Variants in KAZN observed in about 807,000 individuals in gnomAD.
KAZN encodes kazrin.
A neutral mutation model predicts 87.4 loss-of-function variants in KAZN; 40 were observed. That is an observed-to-expected ratio of 0.46 (90% CI 0.36 to 0.60). The LOEUF (loss-of-function observed/expected upper bound fraction) is 0.60, where lower values mean the gene tolerates loss of function less well. KAZN is among the 20% of genes least tolerant of loss of function. KAZN has a pLI of 0.00. For missense variants in KAZN, 898 were observed against 1,073.9 expected, an observed-to-expected ratio of 0.84 and a Z score of 2.29; for synonymous variants, 466 against 458.3, an observed-to-expected ratio of 1.02 and a Z score of -0.22.
At chr1:14,547,397 T>C (rs1673223251) in intron 2 of KAZN, among the ~76,000 whole-genome samples, 4 of 152,236 alleles carry the variant, frequency 2.6e-5, no homozygotes, top group Non-Finnish European at 5.9e-5. Flanking sequence ...TAACTGACTA[T>C]GTGTTCATAA....
At chr1:14,510,023 T>C (rs1169241086) in intron 2 of KAZN, among the ~76,000 whole-genome samples, 1 of 152,108 alleles carries the variant, frequency 6.6e-6, no homozygotes, top group East Asian at 1.9e-4. Context: ...GGGACACAAG[T>C]GTGAGATGGA....
chr1:14,972,243 C>A (rs899039642), intron 2 of KAZN, among the ~76,000 whole-genome samples: 1 of 152,210 alleles, frequency 6.6e-6, no homozygotes, highest in Non-Finnish European at 1.5e-5. Context: ...AGGGTCAGGA[C>A]ATGACCTTGA....
chr1:14,751,017 C>T lies in KAZN; in HGVS notation c.226+151794C>T, dbSNP rs556044329. On this transcript the variant is annotated intron_variant, in intron 1 of 14. Transcript: ENST00000376030. ...GAATGGTTCCCTTGTTACGTGGCGA[C>T]GTCATTTATAACATGACCTAGACTC... Among the ~76,000 whole-genome samples the T allele has an allele frequency of 1.0e-3, 153 of 152,262 alleles. 4 individuals carry two copies. In the South Asian group the frequency reaches 0.03, roughly 29 times the overall value.
intron 2 of KAZN, among the ~76,000 whole-genome samples, chr1:14,508,785 C>T (rs1670750071): frequency 1.3e-5 from 2 of 152,168 alleles, no homozygotes; most frequent in Admixed American, 6.5e-5. Context: ...AGAAAAATCT[C>T]GGCCATAATA....
chr1:14,252,018 G>A (rs1219984260), intron 2 of KAZN, among the ~76,000 whole-genome samples: 3 of 152,080 alleles, frequency 2.0e-5, no homozygotes, highest in Admixed American at 2.0e-4. Context: ...AAGAGGCCAG[G>A]AAAGGGGGAC....
chr1:14,823,161 G>A (rs888518889), intron 1 of KAZN, among the ~76,000 whole-genome samples: 2 of 152,180 alleles, frequency 1.3e-5, no homozygotes, highest in Admixed American at 6.5e-5. Context: ...AAGGCCCGTC[G>A]CCTCGGCCAC....
intron 1 of KAZN, among the ~76,000 whole-genome samples, chr1:13,900,555 A>G (rs904499367): frequency 1.3e-5 from 2 of 152,184 alleles, no homozygotes; most frequent in African/African-American, 4.8e-5. Context: ...AGCAGCGTAC[A>G]CAGTGGTCTC....
chr1:14,844,533 G>A (rs1282929039), intron 1 of KAZN, among the ~76,000 whole-genome samples: 3 of 152,158 alleles, frequency 2.0e-5, no homozygotes, highest in Non-Finnish European at 4.4e-5. Flanking sequence ...CTGAACATGC[G>A]CTAGAAGTAT....
At chr1:14,240,361 T>C (rs1648830392) in intron 2 of KAZN, among the ~76,000 whole-genome samples, 1 of 152,216 alleles carries the variant, frequency 6.6e-6, no homozygotes, top group African/African-American at 2.4e-5. Flanking sequence ...ACACTGTCCA[T>C]AGGCTCCAGG....
rs111500822 is a variant in KAZN, at chr1:14,784,401, G to A, written c.227-176283G>A. Among the ~76,000 whole-genome samples, 1,427 of 152,262 alleles carry A rather than the reference G, an allele frequency of 9.4e-3. 24 individuals carry two copies. The highest frequency in any genetic ancestry group is 0.032 in the African/African-American group (1,342 of 41,534). On this transcript the variant is annotated intron_variant, in intron 1 of 14. Coordinates refer to ENST00000376030, the MANE Select transcript of KAZN (RefSeq NM_201628.3). ...TCAGAGAGGGAGTCTGGGGAGGTAT[G>A]GGCTCTCTGCAGACCCTCCTCCTCT...
chr1:14,742,065 C>T (rs929122926), intron 1 of KAZN, among the ~76,000 whole-genome samples: 5 of 152,146 alleles, frequency 3.3e-5, no homozygotes, highest in South Asian at 2.1e-4. Flanking sequence ...AAGATTCCTC[C>T]CCCTTTGGAA....
At chr1:14,237,251 G>A (rs1478122441) in intron 2 of KAZN, among the ~76,000 whole-genome samples, 2 of 152,098 alleles carry the variant, frequency 1.3e-5, no homozygotes, top group East Asian at 3.9e-4. Flanking sequence ...AAACAGACAA[G>A]GAGAATATTC....
intron 1 of KAZN, among the ~76,000 whole-genome samples, chr1:14,736,074 G>A (rs1431354277): frequency 2.6e-5 from 4 of 152,136 alleles, no homozygotes; most frequent in African/African-American, 7.2e-5. Flanking sequence ...TATTACCTCC[G>A]GTGGATGAGG....
chr1:14,270,501 T>C (rs141133150), intron 2 of KAZN, among the ~76,000 whole-genome samples: 240 of 152,314 alleles, frequency 1.6e-3, no homozygotes, highest in African/African-American at 5.5e-3. Context: ...CAGAATCTAC[T>C]GCATTGGATT....
At chr1:14,764,877 G>T (rs1016818410) in intron 1 of KAZN, among the ~76,000 whole-genome samples, 1 of 152,182 alleles carries the variant, frequency 6.6e-6, no homozygotes, top group Non-Finnish European at 1.5e-5. Context: ...ATCCCCACAA[G>T]AGTGCTGCAT....
In KAZN at chr1:15,110,342, G is replaced by A. The variant is rs117104097; in HGVS notation, c.2049-2085G>A. On this transcript the variant is annotated intron_variant, in intron 13 of 14. Coordinates refer to ENST00000376030, the MANE Select transcript of KAZN (RefSeq NM_201628.3). Reference sequence around the variant, plus strand: ...ATTTGTGTGTGGGCATATTGTATATGTGTGTATGTTTGTGTGTATGTGTGT... The same window carrying A: ...ATTTGTGTGTGGGCATATTGTATATATGTGTATGTTTGTGTGTATGTGTGT... Among the ~76,000 whole-genome samples the A allele has an allele frequency of 9.5e-3, 1,432 of 150,628 alleles. 75 individuals are homozygous for A. In the East Asian group the frequency reaches 0.15, roughly 15 times the overall value.
chr1:14,524,273 C>T (rs1321901168), intron 2 of KAZN, among the ~76,000 whole-genome samples: 1 of 152,128 alleles, frequency 6.6e-6, no homozygotes, highest in Admixed American at 6.5e-5. Context: ...CCACTCGCCT[C>T]AGCCTCCCGA....
chr1:14,291,902 G>A (rs1398697325), intron 2 of KAZN, among the ~76,000 whole-genome samples: 1 of 152,150 alleles, frequency 6.6e-6, no homozygotes, highest in African/African-American at 2.4e-5. Flanking sequence ...TTTGGAGAAG[G>A]ATGTGTTGCT....
chr1:14,134,808 A>G (rs572087373), intron 1 of KAZN, among the ~76,000 whole-genome samples: 1 of 152,226 alleles, frequency 6.6e-6, no homozygotes, highest in Non-Finnish European at 1.5e-5. Context: ...ATTATTATTA[A>G]TCACATAAAC....
Sources: allele counts gnomAD v4.1 joint callset (sites outside exome capture counted in the v4.1 genomes callset), GRCh38; gene constraint gnomAD v4.1.1; transcripts MANE v1.5; gene names NCBI Gene and HGNC (gene_info 2026-07-23, HGNC 2026-07-21).